Variants in TMEM132B observed in about 807,000 individuals in gnomAD.
TMEM132B encodes the protein transmembrane protein 132B.
In TMEM132B, 18 loss-of-function variants were observed where a neutral mutation model predicts 90.8. The observed-to-expected ratio is 0.20, with a 90% CI of 0.14 to 0.29. The LOEUF (loss-of-function observed/expected upper bound fraction) is 0.29. TMEM132B is among the 10% of genes least tolerant of loss of function. The pLI is 1.00. For missense variants in TMEM132B, 1,096 were observed against 1,326.8 expected (o/e 0.83, Z 2.70); for synonymous variants, 504 against 523.3 (o/e 0.96, Z 0.50).
chr12:125,554,630 T>C (rs1884325644), intron 4 of TMEM132B, among the ~76,000 whole-genome samples: 1 of 152,038 alleles, frequency 6.6e-6, no homozygotes, highest in Non-Finnish European at 1.5e-5. Context: ...AGAATCCCTT[T>C]AATGTGAGGT....
Position 125,514,793 on chromosome 12 carries a change from C to T in TMEM132B, c.1107-4646C>T, listed in dbSNP as rs75145604. ...AAGCAGTCACTCTTGTGATCATGAG[C>T]GATGCACTGAGGAACAGCCGCATGT... is the stretch of plus-strand genomic sequence containing the variant. On this transcript the variant is annotated intron_variant, in intron 3 of 8. Coordinates refer to ENST00000682704, the MANE Select transcript of TMEM132B (RefSeq NM_001366854.1). Among the ~76,000 whole-genome samples, 608 of 152,266 alleles carry T rather than the reference C, an allele frequency of 4.0e-3. 3 individuals carry two copies. The highest frequency in any genetic ancestry group is 0.014 in the African/African-American group (564 of 41,550).
intron 1 of TMEM132B, among the ~76,000 whole-genome samples, chr12:125,333,086 G>T (rs749750924): frequency 1.3e-4 from 20 of 152,194 alleles, no homozygotes; most frequent in Non-Finnish European, 2.6e-4. Context: ...TGAAGACTGC[G>T]GGAGGCGCTG....
intron 3 of TMEM132B, among the ~76,000 whole-genome samples, chr12:125,433,931 C>A (rs1880621379): frequency 6.6e-6 from 1 of 152,112 alleles, no homozygotes; most frequent in African/African-American, 2.4e-5. Flanking sequence ...TTGAGTATTA[C>A]ATATGAGATA....
intron 3 of TMEM132B, among the ~76,000 whole-genome samples, chr12:125,425,804 G>A (rs941378997): frequency 1.3e-5 from 2 of 152,292 alleles, no homozygotes; most frequent in South Asian, 4.2e-4. Context: ...ATCACTGAAT[G>A]ACATTCCATT....
At chr12:125,190,561 G>A (rs1242653115) in intron 1 of TMEM132B, among the ~76,000 whole-genome samples, 2 of 122,668 alleles carry the variant, frequency 1.6e-5, no homozygotes, top group Non-Finnish European at 1.7e-5. Flanking sequence ...TGGTGATAGT[G>A]ATGGTGATAG....
intron 5 of TMEM132B, chr12:125,585,083 G>C (rs1006626457): frequency 6.6e-6 from 1 of 152,176 alleles, no homozygotes. Flanking sequence ...ATTTCTTCTT[G>C]TTGTGACCTA....
At chr12:125,607,304 A>G (rs181840806) in intron 5 of TMEM132B, among the ~76,000 whole-genome samples, 1 of 152,252 alleles carries the variant, frequency 6.6e-6, no homozygotes, top group Non-Finnish European at 1.5e-5. Flanking sequence ...AGCAGCTCAC[A>G]GAACGAAAAG....
chr12:125,243,120 TATAC>T (rs1336885139), intron 1 of TMEM132B, among the ~76,000 whole-genome samples: 8 of 141,978 alleles, frequency 5.6e-5, no homozygotes, highest in Non-Finnish European at 7.5e-5. Context: ...CATATATATA[TATAC>T]ACACACACAC....
rs550320690 is a variant in TMEM132B at position 125,407,758 on chromosome 12, G to A, written c.960-7773G>A. 2.0e-5 allele frequency among the ~76,000 whole-genome samples: 3 copies of A among 152,320 alleles called. No individual in the cohort carries two copies. The East Asian group carries it at 5.8e-4, about 29-fold the overall frequency. The stretch of plus-strand genomic sequence containing the variant: ...GGAGGTCTGGGGGAGAAACGCCTCT[G>A]TGTGTCTGGGGTGGTGACATTTGGG... On this transcript the variant is annotated intron_variant, in intron 2 of 8. Coordinates refer to ENST00000682704, the MANE Select transcript of TMEM132B (RefSeq NM_001366854.1). This position sits in a 1 kb window ranked among gnomAD's most constrained non-coding sequence, Gnocchi z 6.7.
At chr12:125,366,361 T>C (rs999533549) in intron 2 of TMEM132B, among the ~76,000 whole-genome samples, 2 of 152,186 alleles carry the variant, frequency 1.3e-5, no homozygotes, top group African/African-American at 4.8e-5. Flanking sequence ...ATCTCTTTGA[T>C]ATGATGATTA....
At chr12:125,224,523 C>T (rs968643832) in intron 1 of TMEM132B, among the ~76,000 whole-genome samples, 2 of 152,212 alleles carry the variant, frequency 1.3e-5, no homozygotes, top group African/African-American at 4.8e-5. Flanking sequence ...TCCCATTGTC[C>T]TCAGGTGGGT....
chr12:125,456,387 C>T (rs11058180), intron 3 of TMEM132B, among the ~76,000 whole-genome samples: 2,780 of 152,280 alleles, frequency 0.018, 88 homozygotes, highest in African/African-American at 0.064. Context: ...TGTGCATTTT[C>T]CCAAAGCTTC....
intron 1 of TMEM132B, among the ~76,000 whole-genome samples, chr12:125,212,080 T>C (rs1406142446): frequency 6.6e-6 from 1 of 152,212 alleles, no homozygotes; most frequent in Non-Finnish European, 1.5e-5. Context: ...TTTTTCAGTC[T>C]GACTCCGGAC....
intron 3 of TMEM132B, among the ~76,000 whole-genome samples, chr12:125,484,163 G>C (rs1882136577): frequency 6.6e-6 from 1 of 152,166 alleles, no homozygotes; most frequent in Non-Finnish European, 1.5e-5. Flanking sequence ...GCCCCCCGAA[G>C]TGCTGGGATT....
At chr12:125,617,953 C>CAA (rs59348979) in intron 5 of TMEM132B, among the ~76,000 whole-genome samples, 4 of 144,540 alleles carry the variant, frequency 2.8e-5, no homozygotes, top group Non-Finnish European at 3.1e-5. Context: ...TTGCTTACTA[C>CAA]AAAAAAAAAA....
At chr12:125,556,475 A>G (rs1022746012) in intron 4 of TMEM132B, among the ~76,000 whole-genome samples, 1 of 152,116 alleles carries the variant, frequency 6.6e-6, no homozygotes, top group Admixed American at 6.5e-5. Context: ...TAGAAGAAAA[A>G]CCCGGGGGAT....
At chr12:125,645,812 A>G (rs1485707414) in intron 6 of TMEM132B, among the ~76,000 whole-genome samples, 1 of 152,332 alleles carries the variant, frequency 6.6e-6, no homozygotes, top group East Asian at 1.9e-4. Flanking sequence ...TTTGTCATGC[A>G]GCAATAGAAA....
intron 5 of TMEM132B, among the ~76,000 whole-genome samples, chr12:125,625,236 C>CA (rs57993437): frequency 0.052 from 7,631 of 147,428 alleles, 243 homozygotes; most frequent in East Asian, 0.14. Flanking sequence ...GGGTTCACGC[C>CA]ATTCTCCTGC....
chr12:125,378,887 T>C (rs1878575381), intron 2 of TMEM132B, among the ~76,000 whole-genome samples: 1 of 152,198 alleles, frequency 6.6e-6, no homozygotes, highest in South Asian at 2.1e-4. Context: ...TTTGCTCATA[T>C]GGGGAGAAGG....
Sources: allele counts gnomAD v4.1 joint callset (sites outside exome capture counted in the v4.1 genomes callset), GRCh38; gene constraint gnomAD v4.1.1; non-coding constraint Gnocchi (gnomAD v3.1); transcripts MANE v1.5; gene names NCBI Gene and HGNC (gene_info 2026-07-23, HGNC 2026-07-21).